Variants in PPP1R14D observed in about 807,000 individuals in gnomAD.
The protein encoded by PPP1R14D is protein phosphatase 1 regulatory inhibitor subunit 14D.
In PPP1R14D, 14 loss-of-function variants were observed where a neutral mutation model predicts 17.1. The ratio of observed to expected loss-of-function variants is 0.82; its 90% CI spans 0.54 to 1.28. The LOEUF (loss-of-function observed/expected upper bound fraction) is 1.28. Among genes scored for constraint, PPP1R14D ranks in the 50% most tolerant of loss-of-function variants. The pLI, the probability that PPP1R14D is intolerant of heterozygous loss-of-function variation, is 0.00. For missense variants in PPP1R14D, 173 were observed against 179.2 expected (o/e 0.97, Z 0.20); for synonymous variants, 67 against 66.1 (o/e 1.01, Z -0.06).
chr15:40,822,965 A>ATTT (rs35437867), intron 1 of PPP1R14D, among the ~76,000 whole-genome samples: 8,350 of 123,460 alleles, frequency 0.068, 746 homozygotes, highest in African/African-American at 0.21. Flanking sequence ...CATCCGGCTA[A>ATTT]TTTTTTTTTT....
At chr15:40,825,346 T>C (rs986100267) in intron 1 of PPP1R14D, among the ~76,000 whole-genome samples, 1 of 151,264 alleles carries the variant, frequency 6.6e-6, no homozygotes, top group African/African-American at 2.4e-5. Context: ...GGGGTGCATG[T>C]TGGGCAAGGG....
chr15:40,826,849 T>G (rs1451638168), intron 1 of PPP1R14D, among the ~76,000 whole-genome samples: 2 of 152,170 alleles, frequency 1.3e-5, no homozygotes. Flanking sequence ...GTGGGAAGGA[T>G]TAAATGAAAG....
chr15:40,824,939 T>C (rs1478556217), intron 1 of PPP1R14D, among the ~76,000 whole-genome samples: 1 of 151,954 alleles, frequency 6.6e-6, no homozygotes, highest in Non-Finnish European at 1.5e-5. Context: ...TAAATAAGGC[T>C]GTGAGTGTGG....
At chr15:40,817,495 G>A (rs1890693270) in intron 1 of PPP1R14D, 2 of 152,240 alleles carry the variant, frequency 1.3e-5, no homozygotes, top group East Asian at 3.9e-4. Context: ...AACATCATAT[G>A]TCATTAGGGA....
At chr15:40,823,411 A>G (rs1279428319) in intron 1 of PPP1R14D, among the ~76,000 whole-genome samples, 3 of 152,104 alleles carry the variant, frequency 2.0e-5, no homozygotes, top group African/African-American at 7.2e-5. Context: ...CCAGCAGGAA[A>G]AAAAGAATTT....
intron 1 of PPP1R14D, among the ~76,000 whole-genome samples, chr15:40,823,000 T>C (rs1890806512): frequency 6.7e-6 from 1 of 150,260 alleles, no homozygotes; most frequent in African/African-American, 2.5e-5. Flanking sequence ...ATTTCGCTCT[T>C]GTCGCCCAGG....
rs540016454 is a variant in PPP1R14D at position 40,828,378 on chromosome 15, G to C, written c.255+9C>G. On this transcript the variant is annotated intron_variant, in intron 1 of 3. Transcript: ENST00000299174. ...CCCATCTCCTCCCACTATCCGCTGT[G>C]CTACCTACCTGGAAGAGCTCCTGAA... The C allele has an allele frequency of 9.0e-5, 142 of 1,580,356 alleles. No individual in the cohort carries two copies. In the South Asian group the frequency reaches 1.6e-3, roughly 18 times the overall value.
rs568576137 is a variant in PPP1R14D at position 40,819,393 on chromosome 15, A to T, written c.256-3140T>A. Among the ~76,000 whole-genome samples the T allele has an allele frequency of 2.1e-4, 32 of 152,264 alleles. 1 individual carries two copies. The East Asian group carries it at 6.2e-3, about 29-fold the overall frequency. ...TGAAACCTCCATCTCTACTAAAAAT[A>T]CAAAAATTAGCCAGGTATGGTGCCG... is the stretch of plus-strand genomic sequence containing the variant. On this transcript the variant is annotated intron_variant, in intron 1 of 3. Transcript: ENST00000299174.
chr15:40,815,735 T>TTGACTGAGCA lies in PPP1R14D; in HGVS notation c.389_398dup (p.Gln133HisfsTer24). 6.2e-7 allele frequency: 1 copy of TTGACTGAGCA among 1,613,250 alleles called. No homozygotes were observed. Among genetic ancestry groups the TTGACTGAGCA allele is most frequent in the Non-Finnish European group, 8.5e-7 (1 of 1,179,708 alleles). Reference sequence around the variant, plus strand: ...GGCTGAGTCTCCGGAGTTTCTTGAGTTGACTGAGCAGCTCAGAGATAAAAG... The same window carrying TTGACTGAGCA: ...GGCTGAGTCTCCGGAGTTTCTTGAGTTGACTGAGCATGACTGAGCAGCTCAGAGATAAAAG... On this transcript the variant is annotated frameshift_variant, in exon 4 of 4. Transcript: ENST00000299174. LOFTEE classifies it high-confidence loss of function.
At position 40,828,627 on chromosome 15, in the gene PPP1R14D, GC is replaced by G. The variant is rs1890916271; in HGVS notation, c.14del (p.Ser5ThrfsTer53). The G allele has an allele frequency of 6.2e-7, 1 of 1,611,950 alleles. No individual in the cohort carries two copies. The highest frequency in any genetic ancestry group is 8.5e-7 in the Non-Finnish European group (1 of 1,178,714). On this transcript the variant is annotated frameshift_variant, in exon 1 of 4. Coordinates refer to ENST00000299174, the MANE Select transcript of PPP1R14D (RefSeq NM_017726.8). LOFTEE classifies it high-confidence loss of function. ...GGCTGGGAGATGTGCAGGAAGCAGGGCTTGAAGACAGCATGGAAGTATTGGT... is the reference window on the plus strand; with the variant it reads ...GGCTGGGAGATGTGCAGGAAGCAGGGTTGAAGACAGCATGGAAGTATTGGT... The part of the protein sequence containing the change: MLSS[S>X]PASCTSPSPD...
chr15:40,821,600 G>T (rs1247234969), intron 1 of PPP1R14D, among the ~76,000 whole-genome samples: 1 of 152,082 alleles, frequency 6.6e-6, no homozygotes, highest in Non-Finnish European at 1.5e-5. Flanking sequence ...TCTGTAACTG[G>T]AATCTCAGAG....
At chr15:40,827,878 C>T (rs76244023) in intron 1 of PPP1R14D, among the ~76,000 whole-genome samples, 3,115 of 152,112 alleles carry the variant, frequency 0.02, 37 homozygotes, top group Middle Eastern at 0.061. Context: ...GCTGAGATTG[C>T]ACTACTGCAT....
At position 40,824,233 on chromosome 15, in the gene PPP1R14D, C is replaced by T. The variant is rs188584846; in HGVS notation, c.255+4154G>A. 7.2e-5 allele frequency among the ~76,000 whole-genome samples: 11 copies of T among 152,266 alleles called. No individual in the cohort carries two copies. The East Asian group carries it at 1.9e-3, about 27-fold the overall frequency. ...CCCTTTCTTACTTCCTTTCCATACC[C>T]AGGGTCCTTACTCCTGACCTCTCCA... On this transcript the variant is annotated intron_variant, in intron 1 of 3. Transcript: ENST00000299174.
intron 1 of PPP1R14D, among the ~76,000 whole-genome samples, chr15:40,821,854 G>C (rs1388868593): frequency 6.6e-6 from 1 of 152,260 alleles, no homozygotes; most frequent in Non-Finnish European, 1.5e-5. Flanking sequence ...GTCAAACCTG[G>C]GAGGCGGAGG....
In PPP1R14D at chr15:40,816,363, T is replaced by C. The variant is rs796239324; in HGVS notation, c.256-110A>G. The C allele has an allele frequency of 1.8e-5, 15 of 842,894 alleles. No homozygotes were observed. The African/African-American group carries it at 2.0e-4, about 11-fold the overall frequency. 52.2% of individuals were successfully genotyped at this position (842,894 alleles called of 1,614,324 possible). ...TCTCCAATTTCCCATGGTTAGACTT[T>C]CTCCTCACTCAGAACACCCATTCAG... On this transcript the variant is annotated intron_variant, in intron 1 of 3. Transcript: ENST00000299174.
intron 3 of PPP1R14D, 65 bp from the exon 4 acceptor site, chr15:40,815,826 T>G: frequency 1.3e-6 from 1 of 757,438 alleles, no homozygotes; most frequent in Non-Finnish European, 2.1e-6. Context: ...CTGCCCTCCC[T>G]AATCTTCCCC....
At chr15:40,823,023 G>C (rs1207813805) in intron 1 of PPP1R14D, among the ~76,000 whole-genome samples, 1 of 145,240 alleles carries the variant, frequency 6.9e-6, no homozygotes, top group East Asian at 2.0e-4. Context: ...GGAGTGCAAT[G>C]GTGCAATCTT....
intron 1 of PPP1R14D, chr15:40,817,153 T>C: frequency 5.7e-6 from 1 of 174,520 alleles, no homozygotes; most frequent in South Asian, 8.1e-5. Flanking sequence ...GGTCAGGAGT[T>C]CTAGACCAGC....
chr15:40,825,306 A>G (rs1005114018), intron 1 of PPP1R14D, among the ~76,000 whole-genome samples: 9 of 151,832 alleles, frequency 5.9e-5, no homozygotes, highest in African/African-American at 2.2e-4. Context: ...AAAAGAAAGA[A>G]AGAAAGAAAT....
Sources: gnomAD v4.1 joint callset for allele counts (sites outside exome capture counted in the v4.1 genomes callset) on GRCh38, gnomAD v4.1.1 for gene constraint, MANE v1.5 for transcripts, NCBI Gene and HGNC (gene_info 2026-07-23, HGNC 2026-07-21) for gene names.